The following ICA1 variants were observed in gnomAD, a reference collection of about 807,000 sequenced individuals.
The protein encoded by ICA1 is islet cell autoantigen 1.
Under a neutral mutation model 71.0 loss-of-function variants are expected in ICA1, and 40 were observed. The ratio of observed to expected loss-of-function variants is 0.56; its 90% confidence interval spans 0.44 to 0.73. The LOEUF is 0.73. ICA1 is among the 30% of genes least tolerant of loss of function. ICA1 has a pLI of 0.00. For missense variants in ICA1, 578 were observed against 576.5 expected (o/e 1.00, Z -0.03); for synonymous variants, 207 against 209.5 (o/e 0.99, Z 0.10).
chr7:8,252,039 T>A (rs1314805698), intron 1 of ICA1, among the ~76,000 whole-genome samples: 1 of 152,080 alleles, frequency 6.6e-6, no homozygotes, highest in Non-Finnish European at 1.5e-5. Flanking sequence ...GATAAAAATA[T>A]AAAGTGTAAA....
intron 12 of ICA1, among the ~76,000 whole-genome samples, chr7:8,138,480 A>G (rs957626165): frequency 1.3e-4 from 20 of 152,222 alleles, no homozygotes; most frequent in African/African-American, 4.6e-4. Flanking sequence ...CCAGGCTTAG[A>G]GAGTTTAAGT....
In ICA1 at chr7:8,218,376, G is replaced by C. The variant is rs200206180; in HGVS notation, c.508C>G (p.Leu170Val). 7.7e-5 allele frequency: 125 copies of C among 1,613,984 alleles called. No individual in the cohort carries two copies. The highest frequency in any genetic ancestry group is 1.7e-5 in the Admixed American group (1 of 60,002). Reference protein sequence around the residue: ...EQCRTEYRGALLWMKDVSQEL... With the variant: ...EQCRTEYRGAVLWMKDVSQEL... ...TGAGACACGTCCTTCATCCATAATA[G>C]TGCTCCTCTATATTCCGTCCTGCAC... The change falls in exon 6 of 14, where the codon CTA becomes GTA. Residue 170 changes from leucine (L) to valine (V), a missense_variant. By Grantham distance (32) the Leu-to-Val change is conservative. Coordinates refer to ENST00000402384, the MANE Select transcript of ICA1 (RefSeq NM_001136020.3).
intron 8 of ICA1, among the ~76,000 whole-genome samples, chr7:8,147,021 G>C (rs1231258660): frequency 6.6e-6 from 1 of 151,718 alleles, no homozygotes; most frequent in Non-Finnish European, 1.5e-5. Context: ...TTTAAATTTT[G>C]TAACACTGGT....
chr7:8,252,889 T>C (rs1028038219), intron 1 of ICA1, among the ~76,000 whole-genome samples: 1 of 152,210 alleles, frequency 6.6e-6, no homozygotes, highest in Non-Finnish European at 1.5e-5. Context: ...AGTTTTTGTT[T>C]GTTTTGAGAC....
chr7:8,175,048 T>G (rs1357729248), intron 6 of ICA1, among the ~76,000 whole-genome samples: 1 of 152,032 alleles, frequency 6.6e-6, no homozygotes, highest in Non-Finnish European at 1.5e-5. Context: ...AGAGAAAGGA[T>G]CATCTCATGT....
At chr7:8,218,620 G>A in intron 5 of ICA1, 117 bp from the exon 6 acceptor site, 1 of 767,906 alleles carries the variant, frequency 1.3e-6, no homozygotes, top group Admixed American at 2.2e-5. Context: ...TGTAGAAGAT[G>A]CTCCATCAAT....
intron 6 of ICA1, among the ~76,000 whole-genome samples, chr7:8,198,803 G>T (rs899168054): frequency 3.3e-5 from 5 of 152,168 alleles, no homozygotes; most frequent in African/African-American, 1.2e-4. Flanking sequence ...AAACAACAAC[G>T]TGAAGAGATG....
intron 1 of ICA1, among the ~76,000 whole-genome samples, chr7:8,257,943 A>G (rs75585413): frequency 0.012 from 1,903 of 152,256 alleles, 45 homozygotes; most frequent in African/African-American, 0.043. Context: ...ACTTTTGTAC[A>G]CACATACACA....
intron 8 of ICA1, among the ~76,000 whole-genome samples, chr7:8,147,446 T>G (rs1366583196): frequency 1.3e-5 from 2 of 152,106 alleles, no homozygotes; most frequent in Non-Finnish European, 2.9e-5. Context: ...GCTCCTCTCT[T>G]CCTACTATTA....
At chr7:8,164,402 C>A (rs1805116222) in intron 6 of ICA1, among the ~76,000 whole-genome samples, 1 of 149,992 alleles carries the variant, frequency 6.7e-6, no homozygotes, top group African/African-American at 2.5e-5. Context: ...ATGGAAAATA[C>A]TGCTCTGATC....
intron 6 of ICA1, among the ~76,000 whole-genome samples, chr7:8,187,819 T>G (rs546673039): frequency 4.6e-5 from 7 of 152,330 alleles, no homozygotes; most frequent in African/African-American, 1.7e-4. Flanking sequence ...TTTGCACAGA[T>G]TTAGTATCAT....
At chr7:8,258,665 A>G (rs1290192247) in intron 1 of ICA1, among the ~76,000 whole-genome samples, 1 of 152,246 alleles carries the variant, frequency 6.6e-6, no homozygotes, top group Non-Finnish European at 1.5e-5. Context: ...AAAAACAGGT[A>G]TAAAATGCCC....
At chr7:8,220,130 A>G (rs1583401214) in intron 5 of ICA1, among the ~76,000 whole-genome samples, 1 of 152,212 alleles carries the variant, frequency 6.6e-6, no homozygotes. Context: ...AAAAATTATA[A>G]ATAATACTAA....
At chr7:8,239,870 T>C (rs1339498604) in intron 1 of ICA1, among the ~76,000 whole-genome samples, 1 of 152,202 alleles carries the variant, frequency 6.6e-6, no homozygotes, top group Non-Finnish European at 1.5e-5. Flanking sequence ...TGCTGAGGCA[T>C]GAGTAGGTAA....
At chr7:8,197,622 C>T (rs1285047387) in intron 6 of ICA1, among the ~76,000 whole-genome samples, 6 of 139,420 alleles carry the variant, frequency 4.3e-5, no homozygotes, top group African/African-American at 1.6e-4. Context: ...ATAATGGAGT[C>T]TTTCTATTAA....
At chr7:8,248,533 G>A (rs947271887) in intron 1 of ICA1, among the ~76,000 whole-genome samples, 4 of 152,080 alleles carry the variant, frequency 2.6e-5, no homozygotes, top group Admixed American at 1.3e-4. Flanking sequence ...GAGACCAGAC[G>A]ATGAAACCCT....
rs575011075 is a variant in ICA1, at chr7:8,242,959, G to A, written c.-79-6954C>T. Among the ~76,000 whole-genome samples, 504 of 152,228 alleles carry A rather than the reference G, an allele frequency of 3.3e-3. 3 individuals are homozygous for A. Among genetic ancestry groups the A allele is most frequent in the African/African-American group, 0.012 (486 of 41,538 alleles). ...AACCAAAAAAAGTCCAGGACCAGACGGATTCACAGCCGAATTCTACCAGAG... is the reference window on the plus strand; with the variant it reads ...AACCAAAAAAAGTCCAGGACCAGACAGATTCACAGCCGAATTCTACCAGAG... On this transcript the variant is annotated intron_variant, in intron 1 of 13. Coordinates refer to ENST00000402384, the MANE Select transcript of ICA1 (RefSeq NM_001136020.3).
At chr7:8,239,756 G>A (rs1301749660) in intron 1 of ICA1, among the ~76,000 whole-genome samples, 1 of 152,220 alleles carries the variant, frequency 6.6e-6, no homozygotes, top group Non-Finnish European at 1.5e-5. Context: ...TCCCACGCCT[G>A]GCTCGGCAGG....
intron 1 of ICA1, among the ~76,000 whole-genome samples, chr7:8,243,540 C>T (rs1177436538): frequency 6.6e-6 from 1 of 152,170 alleles, no homozygotes; most frequent in African/African-American, 2.4e-5. Context: ...CACTCCCATT[C>T]AACATAGTGT....
Sources: gnomAD v4.1 joint callset for allele counts (sites outside exome capture counted in the v4.1 genomes callset) on GRCh38, gnomAD v4.1.1 for gene constraint, MANE v1.5 for transcripts, NCBI Gene and HGNC (gene_info 2026-07-23, HGNC 2026-07-21) for gene names.